CDH23: variants seen among roughly 807,000 people sequenced by gnomAD.
The protein encoded by CDH23 is cadherin-23.
CDH23 carries 189 observed loss-of-function variants against 317.1 expected under a neutral mutation model. That is an observed-to-expected ratio of 0.60 (90% CI 0.53 to 0.67). The LOEUF is 0.67. Ranked by LOEUF, CDH23 falls within the 30% of genes least tolerant of loss-of-function variation. The pLI is 0.00. For missense variants in CDH23, 4,401 were observed against 4,592.4 expected, an observed-to-expected ratio of 0.96 and a Z score of 1.20; for synonymous variants, 1,839 against 1,876.8, an observed-to-expected ratio of 0.98 and a Z score of 0.52.
intron 11 of CDH23, among the ~76,000 whole-genome samples, chr10:71,629,820 G>A (rs189420083): frequency 1.3e-5 from 2 of 152,252 alleles, no homozygotes; most frequent in East Asian, 1.9e-4. Context: ...AGGGTTGGGG[G>A]AGAGAAATGG....
chr10:71,664,626 C>CT (rs1409234309), intron 14 of CDH23, among the ~76,000 whole-genome samples: 3 of 152,230 alleles, frequency 2.0e-5, no homozygotes, highest in Non-Finnish European at 2.9e-5. Context: ...ACTAGCTCCA[C>CT]TTAGAAAGCG....
At position 71,790,405 on chromosome 10, in the gene CDH23, GCAGCACCGGTGAGGCCTCTGTGCCACC is replaced by G; in HGVS notation, c.6048_6049+25del. ...CAGAGTGGCCTCTTTGACATCAACA[GCAGCACCGGTGAGGCCTCTGTGCCACC>G]CAGCACTCCCAGCCTGATTCTGGGG... On this transcript the variant is annotated splice_donor_variant and splice_donor_5th_base_variant and coding_sequence_variant and intron_variant, in exon 46 of 70. Coordinates refer to ENST00000224721, the MANE Select transcript of CDH23 (RefSeq NM_022124.6). LOFTEE classifies it high-confidence loss of function. 8 of 1,612,810 alleles carry G rather than the reference GCAGCACCGGTGAGGCCTCTGTGCCACC, an allele frequency of 5.0e-6. No individual in the cohort carries two copies. Among genetic ancestry groups the G allele is most frequent in the Non-Finnish European group, 6.8e-6 (8 of 1,179,706 alleles).
rs532043110 is a variant in CDH23, at chr10:71,475,657, C to T, written c.145+29262C>T. ...CATCTGTCACCCGAGGGGTCCCCGT[C>T]CCCTGCTGGCTTTGCCTGAGCAGGG... On this transcript the variant is annotated intron_variant, in intron 3 of 69. Coordinates refer to ENST00000224721, the MANE Select transcript of CDH23 (RefSeq NM_022124.6). 2.6e-5 allele frequency among the ~76,000 whole-genome samples: 4 copies of T among 152,330 alleles called. No homozygotes were observed. In the South Asian group the frequency reaches 8.3e-4, roughly 32 times the overall value.
rs76554281 is a variant in CDH23, at chr10:71,484,984, A to G, written c.146-25098A>G. Among the ~76,000 whole-genome samples, 35 of 151,870 alleles carry G rather than the reference A, an allele frequency of 2.3e-4. 1 individual carries two copies. The East Asian group carries it at 5.0e-3, about 22-fold the overall frequency. On this transcript the variant is annotated intron_variant, in intron 3 of 69. Coordinates refer to ENST00000224721, the MANE Select transcript of CDH23 (RefSeq NM_022124.6). ...AATTGGCTGGCAGTGGTGTCCACAAATAGGGGTGTGTGTTTTTCTTTCTTT... is the reference window on the plus strand; with the variant it reads ...AATTGGCTGGCAGTGGTGTCCACAAGTAGGGGTGTGTGTTTTTCTTTCTTT...
In CDH23 at chr10:71,777,532, C is replaced by T; in HGVS notation, c.4846-148C>T. 4 of 689,072 alleles carry T rather than the reference C, an allele frequency of 5.8e-6. No homozygotes were observed. The South Asian group carries it at 7.2e-5, about 12-fold the overall frequency. 42.7% of individuals were successfully genotyped at this position (689,072 alleles called of 1,614,324 possible). A position where few individuals can be genotyped will look rare whatever the true frequency, so the allele number is the denominator to read the frequency against. Reference sequence around the variant, plus strand: ...GGAGTTTTTGAGCTTTCTCTCTCTACCAGCCTGTGACCCACCCCCTGCTTT... The same window carrying T: ...GGAGTTTTTGAGCTTTCTCTCTCTATCAGCCTGTGACCCACCCCCTGCTTT... On this transcript the variant is annotated intron_variant, in intron 38 of 69. Transcript: ENST00000224721.
intron 6 of CDH23, among the ~76,000 whole-genome samples, chr10:71,539,007 G>C (rs912598668): frequency 6.6e-6 from 1 of 152,216 alleles, no homozygotes; most frequent in Non-Finnish European, 1.5e-5. Flanking sequence ...TGGGAACATG[G>C]CTCAGCCTGT....
chr10:71,641,654 G>A (rs1457101137), intron 11 of CDH23, among the ~76,000 whole-genome samples: 1 of 152,216 alleles, frequency 6.6e-6, no homozygotes, highest in Non-Finnish European at 1.5e-5. Flanking sequence ...TCCTGGGGGA[G>A]GGAGAAGAAT....
At chr10:71,454,931 C>G (rs558207083) in intron 3 of CDH23, among the ~76,000 whole-genome samples, 1 of 150,214 alleles carries the variant, frequency 6.7e-6, no homozygotes, top group South Asian at 2.1e-4. Flanking sequence ...CCTCAAACTT[C>G]TGGACTCAAG....
At chr10:71,560,394 C>T (rs1157441496) in intron 6 of CDH23, among the ~76,000 whole-genome samples, 1 of 152,142 alleles carries the variant, frequency 6.6e-6, no homozygotes, top group Non-Finnish European at 1.5e-5. Flanking sequence ...AACCTCTGTT[C>T]TCTTACCTAG....
intron 6 of CDH23, among the ~76,000 whole-genome samples, chr10:71,515,392 TCTCACACACACACA>T (rs1854253080): frequency 3.2e-5 from 1 of 31,292 alleles, no homozygotes; most frequent in East Asian, 1.0e-3. Flanking sequence ...TCTCTCTCTC[TCTCACACACACACA>T]CACACACACA....
intron 17 of CDH23, among the ~76,000 whole-genome samples, chr10:71,681,053 C>G (rs1010654234): frequency 6.6e-6 from 1 of 151,580 alleles, no homozygotes; most frequent in African/African-American, 2.4e-5. Context: ...GTCTTGAACT[C>G]CTGACCTCAA....
intron 6 of CDH23, among the ~76,000 whole-genome samples, chr10:71,528,417 T>C (rs1589167395): frequency 6.6e-6 from 1 of 151,972 alleles, no homozygotes; most frequent in African/African-American, 2.4e-5. Context: ...TTGGGACGGG[T>C]CCCTTCCCAT....
At chr10:71,792,770 C>G (rs12765970) in intron 47 of CDH23, among the ~76,000 whole-genome samples, 1 of 133,236 alleles carries the variant, frequency 7.5e-6, no homozygotes, top group Non-Finnish European at 1.5e-5. Context: ...TGCAGTAAGC[C>G]GAGATCACAC....
intron 6 of CDH23, among the ~76,000 whole-genome samples, chr10:71,556,862 T>G (rs1589202890): frequency 6.6e-6 from 1 of 152,224 alleles, no homozygotes; most frequent in African/African-American, 2.4e-5. Context: ...TTTTGAATAT[T>G]ATCTATTGAT....
chr10:71,554,728 A>ATT (rs66679909), intron 6 of CDH23, among the ~76,000 whole-genome samples: 10,175 of 147,476 alleles, frequency 0.069, 481 homozygotes, highest in African/African-American at 0.14. Context: ...AGTTGTGAGA[A>ATT]TTTTTTTTTT....
At chr10:71,622,694 A>G (rs574548023) in intron 11 of CDH23, among the ~76,000 whole-genome samples, 1 of 152,318 alleles carries the variant, frequency 6.6e-6, no homozygotes, top group African/African-American at 2.4e-5. Flanking sequence ...CCATTTGCGG[A>G]TGTCCTGCCT....
chr10:71,755,741 G>A (rs950064652), intron 38 of CDH23, among the ~76,000 whole-genome samples: 1 of 152,140 alleles, frequency 6.6e-6, no homozygotes, highest in African/African-American at 2.4e-5. Context: ...AGGGAACAGA[G>A]TCCTCATCCC....
intron 8 of CDH23, among the ~76,000 whole-genome samples, chr10:71,575,552 A>G (rs1858129539): frequency 1.3e-5 from 2 of 152,006 alleles, no homozygotes; most frequent in Non-Finnish European, 2.9e-5. Context: ...GGGCCCCTGC[A>G]GGCCTGCACA....
In CDH23 at chr10:71,784,307, G is replaced by C. The variant is rs765728459; in HGVS notation, c.5389G>C (p.Val1797Leu). Residue 1797 changes from valine (V) to leucine (L), a missense_variant, in exon 42 of 70, where the codon GTG (valine) becomes CTG (leucine). Around this residue, in one of 3 missense-constraint regions of CDH23, gnomAD observed 3,068 missense variants for 3,203.3 expected, o/e 0.96. Transcript: ENST00000224721. The part of the protein sequence containing the change: ...DPLGEFVISP[V>L]EGVLRVRKDV... Reference sequence around the variant, plus strand: ...CCCAGGGGAGTTTGTGATCTCTCCTGTGGAGGGGGTGCTAAGGGTCCGGAA... The same window carrying C: ...CCCAGGGGAGTTTGTGATCTCTCCTCTGGAGGGGGTGCTAAGGGTCCGGAA... The C allele has an allele frequency of 3.1e-6, 5 of 1,613,750 alleles. No individual in the cohort carries two copies. The East Asian group carries it at 1.1e-4, about 36-fold the overall frequency.
Sources: allele counts gnomAD v4.1 joint callset (sites outside exome capture counted in the v4.1 genomes callset), GRCh38; gene constraint gnomAD v4.1.1; regional missense constraint gnomAD v4.1.1; transcripts MANE v1.5; gene names NCBI Gene and HGNC (gene_info 2026-07-23, HGNC 2026-07-21).